Variants in ZNF521 observed in about 807,000 individuals in gnomAD.
The protein encoded by ZNF521 is zinc finger protein 521, also known as LYST-interacting protein 3.
ZNF521 carries 14 observed loss-of-function variants against 105.5 expected under a neutral mutation model. The ratio of observed to expected loss-of-function variants is 0.13; its 90% CI spans 0.09 to 0.21. The LOEUF (loss-of-function observed/expected upper bound fraction) is 0.21, where lower values mean the gene tolerates loss of function less well. ZNF521 is among the 10% of genes least tolerant of loss of function. The probability of loss-of-function intolerance (pLI) is 1.00; values close to 1 mark genes in which losing one functional copy is unlikely to be tolerated. For synonymous variants in ZNF521, 635 were observed against 606.0 expected (o/e 1.05, Z -0.70); for missense variants, 1,233 against 1,629.7 (o/e 0.76, Z 4.19).
At chr18:25,199,071 T>C (rs938209095) in intron 4 of ZNF521, among the ~76,000 whole-genome samples, 1 of 151,946 alleles carries the variant, frequency 6.6e-6, no homozygotes, top group African/African-American at 2.4e-5. Context: ...TTATCTAAAA[T>C]GTGTACTTGA....
At chr18:25,128,506 A>C (rs8090129) in intron 5 of ZNF521, among the ~76,000 whole-genome samples, 98,175 of 151,728 alleles carry the variant, frequency 0.65, 32,014 homozygotes, top group South Asian at 0.74. Context: ...GAAAAAAAGA[A>C]ATTAAAACTT....
chr18:25,113,793 C>CACACACACACACACACAGAG (rs1053377440), intron 5 of ZNF521, among the ~76,000 whole-genome samples: 7 of 147,870 alleles, frequency 4.7e-5, no homozygotes, highest in Non-Finnish European at 9.1e-5. Flanking sequence ...CACACACACA[C>CACACACACACACACACAGAG]AGAGACGGGG....
At chr18:25,063,783 C>T (rs181150160) in intron 7 of ZNF521, among the ~76,000 whole-genome samples, 12 of 152,322 alleles carry the variant, frequency 7.9e-5, no homozygotes, top group Admixed American at 2.6e-4. Context: ...TCTGTGCTTT[C>T]CTGGAGCCAT....
At chr18:25,068,450 C>A (rs1227315084) in intron 7 of ZNF521, among the ~76,000 whole-genome samples, 3 of 152,184 alleles carry the variant, frequency 2.0e-5, no homozygotes, top group African/African-American at 7.2e-5. Context: ...TTACAGGCTG[C>A]AAACAGAATT....
chr18:25,157,129 C>A (rs1334434721), intron 5 of ZNF521, among the ~76,000 whole-genome samples: 1 of 151,980 alleles, frequency 6.6e-6, no homozygotes, highest in Non-Finnish European at 1.5e-5. Flanking sequence ...ACCTGGGAGG[C>A]GGAGTTTGCA....
chr18:25,219,943 A>T (rs181969284), intron 4 of ZNF521, among the ~76,000 whole-genome samples: 10 of 152,376 alleles, frequency 6.6e-5, no homozygotes, highest in Admixed American at 4.6e-4. Context: ...CACCACAGGC[A>T]TCAAGATAAA....
chr18:25,117,226 A>ACT (rs1416033771), intron 5 of ZNF521, among the ~76,000 whole-genome samples: 3 of 150,278 alleles, frequency 2.0e-5, no homozygotes, highest in Non-Finnish European at 3.0e-5. Flanking sequence ...GTTTTCCCTC[A>ACT]CTCTCTCTCT....
intron 5 of ZNF521, among the ~76,000 whole-genome samples, chr18:25,148,783 A>G (rs1041599384): frequency 2.6e-5 from 4 of 152,200 alleles, no homozygotes; most frequent in South Asian, 4.1e-4. Context: ...GGGCTCAAGG[A>G]GAGATTGGGA....
chr18:25,245,020 A>T (rs969195762), intron 3 of ZNF521, among the ~76,000 whole-genome samples: 1 of 152,244 alleles, frequency 6.6e-6, no homozygotes, highest in Admixed American at 6.5e-5. Context: ...TCTATTTATA[A>T]GCTGGGAACT....
chr18:25,070,702 G>C (rs2033197811), intron 7 of ZNF521, among the ~76,000 whole-genome samples: 1 of 151,986 alleles, frequency 6.6e-6, no homozygotes, highest in South Asian at 2.1e-4. Flanking sequence ...CAACATGCTA[G>C]TGGCATCTTC....
At chr18:25,185,823 T>G (rs1039587829) in intron 5 of ZNF521, among the ~76,000 whole-genome samples, 3 of 152,258 alleles carry the variant, frequency 2.0e-5, no homozygotes, top group South Asian at 4.2e-4. Context: ...CAGGAAAAAG[T>G]TTTTCCTTAG....
chr18:25,184,456 C>T (rs934479130), intron 5 of ZNF521, among the ~76,000 whole-genome samples: 2 of 152,126 alleles, frequency 1.3e-5, no homozygotes, highest in East Asian at 3.8e-4. Context: ...GAGACTCTTG[C>T]TTTTGAAAAT....
chr18:25,104,666 G>A (rs1413364088), intron 5 of ZNF521, among the ~76,000 whole-genome samples: 2 of 152,116 alleles, frequency 1.3e-5, no homozygotes, highest in Non-Finnish European at 1.5e-5. Flanking sequence ...GGAGAAAAGC[G>A]AATACCTTTA....
intron 4 of ZNF521, among the ~76,000 whole-genome samples, chr18:25,219,625 G>C (rs1426313543): frequency 6.6e-6 from 1 of 152,042 alleles, no homozygotes; most frequent in African/African-American, 2.4e-5. Flanking sequence ...AGCTGGTCTT[G>C]AACTCCTCAC....
At chr18:25,109,587 T>G (rs886515543) in intron 5 of ZNF521, among the ~76,000 whole-genome samples, 1 of 152,242 alleles carries the variant, frequency 6.6e-6, no homozygotes, top group Non-Finnish European at 1.5e-5. Context: ...AAGTGTTCCC[T>G]TTTCTCTGCA....
At chr18:25,327,830 A>AT (rs1226459519) in intron 2 of ZNF521, among the ~76,000 whole-genome samples, 6 of 151,986 alleles carry the variant, frequency 3.9e-5, no homozygotes, top group Non-Finnish European at 5.9e-5. Flanking sequence ...CTGCTGCCTC[A>AT]TTTTTTTTAT....
At chr18:25,135,040 A>G (rs2034706959) in intron 5 of ZNF521, among the ~76,000 whole-genome samples, 1 of 152,136 alleles carries the variant, frequency 6.6e-6, no homozygotes, top group African/African-American at 2.4e-5. Context: ...ACAGGAGCCC[A>G]CAAGGTCAGC....
chr18:25,321,865 C>A lies in ZNF521; in HGVS notation c.220+143G>T, dbSNP rs188822718. The A allele has an allele frequency of 1.0e-5, 8 of 776,642 alleles. No individual in the cohort carries two copies. In the East Asian group the frequency reaches 1.1e-4, roughly 11 times the overall value. 48.1% of individuals were successfully genotyped at this position (776,642 alleles called of 1,614,324 possible). ...TACCCCAAACAACCATCTCAGAATTCTTTCAAAAGCACCTCTAGACTTAGC... is the reference window on the plus strand; with the variant it reads ...TACCCCAAACAACCATCTCAGAATTATTTCAAAAGCACCTCTAGACTTAGC... On this transcript the variant is annotated intron_variant, in intron 3 of 7. Coordinates refer to ENST00000361524, the MANE Select transcript of ZNF521 (RefSeq NM_015461.3).
At chr18:25,249,982 T>C (rs8088634) in intron 3 of ZNF521, among the ~76,000 whole-genome samples, 152,082 of 152,286 alleles carry the variant, frequency 1, 75,942 homozygotes, top group Middle Eastern at 1. Context: ...TCTGTCGCCC[T>C]GGCTGGAGTG....
Sources: allele counts gnomAD v4.1 joint callset (sites outside exome capture counted in the v4.1 genomes callset), GRCh38; gene constraint gnomAD v4.1.1; transcripts MANE v1.5; gene names NCBI Gene and HGNC (gene_info 2026-07-23, HGNC 2026-07-21).